Variants in LRRIQ3 observed in about 807,000 individuals in gnomAD.
LRRIQ3 encodes leucine rich repeats and IQ motif containing 3.
LRRIQ3 carries 75 observed loss-of-function variants against 59.3 expected under a neutral mutation model. That is an observed-to-expected ratio of 1.26 (90% confidence interval 1.05 to 1.53). LRRIQ3 has a LOEUF of 1.53. Ranked by LOEUF, LRRIQ3 falls within the 40% of genes most tolerant of loss-of-function variation. LRRIQ3 has a pLI of 0.00. For synonymous variants in LRRIQ3, 250 were observed against 231.3 expected (o/e 1.08, Z -0.73); for missense variants, 831 against 710.0 (o/e 1.17, Z -1.94).
intron 3 of LRRIQ3, among the ~76,000 whole-genome samples, chr1:74,159,369 T>G (rs1648529980): frequency 6.6e-6 from 1 of 152,146 alleles, no homozygotes; most frequent in Admixed American, 6.6e-5. Context: ...CTGGACTAAC[T>G]GAGATATCTG....
chr1:74,115,599 G>A (rs1461090518), intron 4 of LRRIQ3, among the ~76,000 whole-genome samples: 1 of 152,090 alleles, frequency 6.6e-6, no homozygotes, highest in Non-Finnish European at 1.5e-5. Flanking sequence ...AATCCATTAA[G>A]ATCCTGGCTG....
At chr1:74,030,384 A>T (rs1230678857) in intron 7 of LRRIQ3, among the ~76,000 whole-genome samples, 1 of 152,164 alleles carries the variant, frequency 6.6e-6, no homozygotes, top group African/African-American at 2.4e-5. Flanking sequence ...CAGTAACCAA[A>T]ACAGCATGGT....
intron 5 of LRRIQ3, among the ~76,000 whole-genome samples, chr1:74,100,757 C>G (rs1415873109): frequency 7.2e-5 from 11 of 152,018 alleles, no homozygotes; most frequent in South Asian, 2.1e-4. Context: ...TAATACCACA[C>G]AACTACAACC....
chr1:74,041,721 T>C lies in LRRIQ3; in HGVS notation c.1210A>G (p.Met404Val), dbSNP rs752156868. ...IKKDIRLERS[M>V]KEFFAPQRAG... ...CTTTGTGGTGCAAAAAACTCTTTCA[T>C]ACTCCGCTCCAATCGTATGTCTTTT... is the stretch of plus-strand genomic sequence containing the variant. The change falls in exon 7 of 8, where the codon ATG becomes GTG. Residue 404 changes from methionine (M) to valine (V), a missense_variant. Transcript: ENST00000354431. The C allele has an allele frequency of 3.1e-6, 5 of 1,613,566 alleles. No homozygotes were observed. The highest frequency in any genetic ancestry group is 1.3e-5 in the African/African-American group (1 of 74,892).
chr1:74,155,608 A>G (rs1648271414), intron 4 of LRRIQ3, 125 bp downstream of exon 4: 1 of 749,938 alleles, frequency 1.3e-6, no homozygotes, highest in Non-Finnish European at 2.0e-6. Context: ...AGTTAGGTTA[A>G]ACAGACTATA....
At chr1:74,056,166 TAAA>T (rs1182060210) in intron 6 of LRRIQ3, among the ~76,000 whole-genome samples, 2 of 149,590 alleles carry the variant, frequency 1.3e-5, no homozygotes, top group Non-Finnish European at 1.5e-5. Flanking sequence ...AATAAATAAA[TAAA>T]TAAATAAATA....
intron 5 of LRRIQ3, among the ~76,000 whole-genome samples, chr1:74,075,154 A>C (rs1358197136): frequency 1.3e-5 from 2 of 152,130 alleles, no homozygotes. Context: ...AGAGTAATAA[A>C]GGGAGGTACA....
chr1:74,051,218 T>A (rs1179028733), intron 6 of LRRIQ3, among the ~76,000 whole-genome samples: 1 of 152,122 alleles, frequency 6.6e-6, no homozygotes, highest in Non-Finnish European at 1.5e-5. Flanking sequence ...CTTATTGGAT[T>A]TCCAAAAATG....
chr1:74,192,935 T>G (rs528768937), intron 1 of LRRIQ3, among the ~76,000 whole-genome samples: 1 of 152,280 alleles, frequency 6.6e-6, no homozygotes, highest in Non-Finnish European at 1.5e-5. Context: ...TTATTTATGT[T>G]GTACATCTGA....
At chr1:74,124,332 G>A (rs1051207036) in intron 4 of LRRIQ3, among the ~76,000 whole-genome samples, 8 of 151,710 alleles carry the variant, frequency 5.3e-5, no homozygotes, top group Non-Finnish European at 1.0e-4. Flanking sequence ...TCATTTTATT[G>A]TTTCCTTTGC....
chr1:74,075,922 G>A (rs1040502569), intron 5 of LRRIQ3, among the ~76,000 whole-genome samples: 5 of 152,142 alleles, frequency 3.3e-5, no homozygotes, highest in African/African-American at 1.2e-4. Flanking sequence ...ATGACAAAAG[G>A]ACACAGGCCC....
intron 4 of LRRIQ3, among the ~76,000 whole-genome samples, chr1:74,142,147 C>T (rs1464776506): frequency 6.6e-6 from 1 of 151,798 alleles, no homozygotes; most frequent in Non-Finnish European, 1.5e-5. Context: ...ATTTCATTTC[C>T]TTTGAATTCG....
intron 5 of LRRIQ3, among the ~76,000 whole-genome samples, chr1:74,106,280 TCTTA>T (rs888951072): frequency 1.3e-5 from 2 of 152,060 alleles, no homozygotes; most frequent in Admixed American, 6.6e-5. Flanking sequence ...GCCATCACTT[TCTTA>T]CTTCACAGAT....
intron 4 of LRRIQ3, among the ~76,000 whole-genome samples, chr1:74,141,501 T>C (rs868428817): frequency 6.6e-6 from 1 of 151,844 alleles, no homozygotes; most frequent in Non-Finnish European, 1.5e-5. Flanking sequence ...GACAGATATA[T>C]TGTTTGAATT....
intron 5 of LRRIQ3, among the ~76,000 whole-genome samples, chr1:74,088,039 G>A (rs921500617): frequency 1.3e-5 from 2 of 152,078 alleles, no homozygotes; most frequent in Non-Finnish European, 2.9e-5. Context: ...GTTACAGTGA[G>A]TGGAGATTGC....
chr1:74,041,080 CTTTGT>C (rs1049479273), intron 7 of LRRIQ3, 128 bp downstream of exon 7: 6 of 724,086 alleles, frequency 8.3e-6, no homozygotes, highest in African/African-American at 1.8e-5. Context: ...ATTATTTGTT[CTTTGT>C]TTTAATTTTT....
Position 74,181,002 on chromosome 1 carries a change from T to G in LRRIQ3, c.573+1536A>C, listed in dbSNP as rs12760837. On this transcript the variant is annotated intron_variant, in intron 3 of 7. Transcript: ENST00000354431. ...TTTGTCTATTCTCTGTGCCTTTCCCTTGGACTTAATGAGGACAAGAATTTT... is the reference window on the plus strand; with the variant it reads ...TTTGTCTATTCTCTGTGCCTTTCCCGTGGACTTAATGAGGACAAGAATTTT... 4.0e-3 allele frequency: 2,100 copies of G among 528,892 alleles called. 15 individuals carry two copies. Among genetic ancestry groups the G allele is most frequent in the South Asian group, 0.01 (439 of 42,504 alleles). 32.8% of individuals were successfully genotyped at this position (528,892 alleles called of 1,614,324 possible).
At chr1:74,125,786 T>G (rs1344323231) in intron 4 of LRRIQ3, among the ~76,000 whole-genome samples, 1 of 151,966 alleles carries the variant, frequency 6.6e-6, no homozygotes. Context: ...GCATCAATGT[T>G]TATCAGGGAT....
chr1:74,135,389 C>G (rs530962579), intron 4 of LRRIQ3, among the ~76,000 whole-genome samples: 1 of 151,844 alleles, frequency 6.6e-6, no homozygotes, highest in Non-Finnish European at 1.5e-5. Flanking sequence ...TATAGGAACT[C>G]TATCAACTAA....
Sources: gnomAD v4.1 joint callset for allele counts (sites outside exome capture counted in the v4.1 genomes callset) on GRCh38, gnomAD v4.1.1 for gene constraint, MANE v1.5 for transcripts, NCBI Gene and HGNC (gene_info 2026-07-23, HGNC 2026-07-21) for gene names.